The following PRSS55 variants were observed in gnomAD, a reference collection of about 807,000 sequenced individuals.
The protein encoded by PRSS55 is probable serine protease UNQ9391/PRO34284.
A neutral mutation model predicts 23.6 loss-of-function variants in PRSS55; 41 were observed. That is an observed-to-expected ratio of 1.74 (90% CI 1.35 to 2.26). The LOEUF is 2.26. Among genes scored for constraint, PRSS55 ranks in the 30% most tolerant of loss-of-function variants. PRSS55 has a pLI of 0.00. For synonymous variants in PRSS55, 262 were observed against 175.5 expected, an observed-to-expected ratio of 1.49 and a Z score of -3.90; for missense variants, 669 against 439.1, an observed-to-expected ratio of 1.52 and a Z score of -4.68.
intron 4 of PRSS55, among the ~76,000 whole-genome samples, chr8:10,549,255 C>T (rs1003054749): frequency 1.3e-5 from 2 of 152,140 alleles, no homozygotes; most frequent in South Asian, 2.1e-4. Flanking sequence ...CGGCCATGGC[C>T]GCGGAGAGCC....
At chr8:10,549,172 CT>C (rs1812896315) in intron 4 of PRSS55, among the ~76,000 whole-genome samples, 3 of 152,090 alleles carry the variant, frequency 2.0e-5, no homozygotes, top group Admixed American at 2.0e-4. Flanking sequence ...ATAATAAGTG[CT>C]AGGATGGAGG....
intron 3 of PRSS55, among the ~76,000 whole-genome samples, chr8:10,532,060 A>G (rs73662853): frequency 1.3e-5 from 2 of 152,080 alleles, no homozygotes; most frequent in Admixed American, 1.3e-4. Context: ...ACTGTCCCCC[A>G]AAAAAACCCA....
intron 4 of PRSS55, among the ~76,000 whole-genome samples, chr8:10,544,039 G>C (rs1170579233): frequency 1.3e-5 from 2 of 152,122 alleles, no homozygotes; most frequent in Non-Finnish European, 2.9e-5. Context: ...ATTAGGTCTA[G>C]CTGGTTTATA....
rs747864384 is a variant in PRSS55 at position 10,532,987 on chromosome 8, C to T, written c.680C>T (p.Pro227Leu). Reference protein sequence around the residue: ...MDWEECSKMFPKLTKNMLCAG... With the variant: ...MDWEECSKMFLKLTKNMLCAG... ...TGGGAGGAGTGTTCAAAGATGTTTC[C>T]AAAACTTACCAAAAATATGCTGTGT... The change falls in exon 4 of 5, where the codon CCA (proline) becomes CTA (leucine). Residue 227 changes from proline (P) to leucine (L), a missense_variant. By Grantham distance (98) the Pro-to-Leu change is moderately conservative. Coordinates refer to ENST00000328655, the MANE Select transcript of PRSS55 (RefSeq NM_198464.4). 1 of 1,614,166 alleles carries T rather than the reference C, an allele frequency of 6.2e-7. No individual in the cohort carries two copies. The highest frequency in any genetic ancestry group is 1.1e-5 in the South Asian group (1 of 91,074).
downstream of PRSS55, among the ~76,000 whole-genome samples, chr8:10,542,402 A>G (rs1812681254): frequency 1.6e-5 from 2 of 126,074 alleles, no homozygotes; most frequent in African/African-American, 3.1e-5. Flanking sequence ...CATTTGGCCT[A>G]GAAGCACCAT....
chr8:10,531,570 G>T, intron 3 of PRSS55, 25 bp downstream of exon 3: 2 of 1,609,748 alleles, frequency 1.2e-6, no homozygotes, highest in South Asian at 1.1e-5. Flanking sequence ...AGCTTCCCCT[G>T]GGGAAAAAGC....
chr8:10,547,085 G>A (rs576936460), intron 4 of PRSS55, among the ~76,000 whole-genome samples: 1 of 152,304 alleles, frequency 6.6e-6, no homozygotes, highest in South Asian at 2.1e-4. Context: ...CCACGCTCTG[G>A]CTTCACGGAG....
chr8:10,540,120 G>C (rs1471317482), downstream of PRSS55: 1 of 152,350 alleles, frequency 6.6e-6, no homozygotes, highest in African/African-American at 2.4e-5. Context: ...TGTTCCACCA[G>C]CGTGTGGGAT....
intron 4 of PRSS55, among the ~76,000 whole-genome samples, chr8:10,551,113 C>A (rs1812941848): frequency 6.6e-6 from 1 of 152,218 alleles, no homozygotes; most frequent in African/African-American, 2.4e-5. Context: ...AAGACCCCTT[C>A]CTTCTGAGAG....
chr8:10,548,029 C>T (rs1270717357), intron 4 of PRSS55, among the ~76,000 whole-genome samples: 6 of 152,106 alleles, frequency 3.9e-5, no homozygotes, highest in African/African-American at 1.4e-4. Context: ...CGGATGAGAG[C>T]AGAGACCTGG....
At chr8:10,542,440 A>G (rs1479982395), downstream of PRSS55, among the ~76,000 whole-genome samples, 1 of 151,648 alleles carries the variant, frequency 6.6e-6, no homozygotes, top group Non-Finnish European at 1.5e-5. Context: ...AAAAAAGCTA[A>G]GACAATAAGG....
At chr8:10,529,460 G>A (rs1253542259) in intron 1 of PRSS55, 47 bp from the exon 2 acceptor site, 2 of 1,588,314 alleles carry the variant, frequency 1.3e-6, no homozygotes, top group Non-Finnish European at 1.7e-6. Context: ...ACTGGATGCT[G>A]ACTAAGTGTT....
chr8:10,544,515 T>C (rs1480230437), intron 4 of PRSS55, among the ~76,000 whole-genome samples: 1 of 152,238 alleles, frequency 6.6e-6, no homozygotes, highest in African/African-American at 2.4e-5. Flanking sequence ...TTTAATGTGA[T>C]CATTGATATA....
intron 4 of PRSS55, among the ~76,000 whole-genome samples, chr8:10,545,623 C>T (rs947317770): frequency 2.0e-5 from 3 of 152,180 alleles, no homozygotes; most frequent in Non-Finnish European, 2.9e-5. Flanking sequence ...ACCTGGCTAC[C>T]AAGCCCAGGC....
downstream of PRSS55, among the ~76,000 whole-genome samples, chr8:10,543,462 TC>T (rs1812723747): frequency 2.7e-5 from 1 of 37,696 alleles, no homozygotes; most frequent in Non-Finnish European, 7.0e-5. Flanking sequence ...CTTCCTTCCT[TC>T]CTTTCTTTCT....
chr8:10,533,661 T>C (rs1020980588), intron 4 of PRSS55, among the ~76,000 whole-genome samples: 2 of 152,224 alleles, frequency 1.3e-5, no homozygotes, highest in Non-Finnish European at 2.9e-5. Flanking sequence ...GGATGAATGA[T>C]GACATTTGTC....
intron 1 of PRSS55, 151 bp from the exon 2 acceptor site, chr8:10,529,356 G>T (rs1255508862): frequency 2.7e-6 from 2 of 753,210 alleles, no homozygotes; most frequent in Non-Finnish European, 2.3e-6. Context: ...CACAAGGGCT[G>T]CCCCGCTCGG....
chr8:10,534,929 A>T (rs1219920947), intron 4 of PRSS55, among the ~76,000 whole-genome samples: 1 of 152,226 alleles, frequency 6.6e-6, no homozygotes, highest in African/African-American at 2.4e-5. Flanking sequence ...GACAACACAC[A>T]AGCTGAGAGC....
chr8:10,550,933 C>T (rs963943095), intron 4 of PRSS55, among the ~76,000 whole-genome samples: 4 of 152,238 alleles, frequency 2.6e-5, no homozygotes, highest in African/African-American at 7.2e-5. Flanking sequence ...TCAGATGACA[C>T]TGAATAAATC....
Sources: allele counts gnomAD v4.1 joint callset (sites outside exome capture counted in the v4.1 genomes callset), GRCh38; gene constraint gnomAD v4.1.1; transcripts MANE v1.5; gene names NCBI Gene and HGNC (gene_info 2026-07-23, HGNC 2026-07-21).